Variants in FBXL17 observed in about 807,000 individuals in gnomAD.
The protein encoded by FBXL17 is F-box/LRR-repeat protein 17.
FBXL17 carries 22 observed loss-of-function variants against 66.2 expected under a neutral mutation model. The ratio of observed to expected loss-of-function variants is 0.33; its 90% CI spans 0.24 to 0.47. The LOEUF is 0.47. FBXL17 is among the 20% of genes least tolerant of loss of function. FBXL17 has a pLI of 1.00. For synonymous variants in FBXL17, 474 were observed against 400.5 expected, an observed-to-expected ratio of 1.18 and a Z score of -2.19; for missense variants, 878 against 948.2, an observed-to-expected ratio of 0.93 and a Z score of 0.97.
intron 7 of FBXL17, among the ~76,000 whole-genome samples, chr5:107,917,314 T>C (rs1455281582): frequency 6.6e-6 from 1 of 152,148 alleles, no homozygotes; most frequent in Non-Finnish European, 1.5e-5. Flanking sequence ...ATCCAGAGAA[T>C]GAGCATTCTA....
At chr5:107,967,800 A>G (rs1401446965) in intron 7 of FBXL17, among the ~76,000 whole-genome samples, 1 of 152,106 alleles carries the variant, frequency 6.6e-6, no homozygotes, top group African/African-American at 2.4e-5. Flanking sequence ...GGTAAAAAAA[A>G]TTTCTGTAAT....
chr5:108,275,961 C>A (rs1757466728), intron 4 of FBXL17, among the ~76,000 whole-genome samples: 1 of 152,230 alleles, frequency 6.6e-6, no homozygotes, highest in East Asian at 1.9e-4. Flanking sequence ...TACCCTTCAA[C>A]ATAACCAGGA....
intron 7 of FBXL17, among the ~76,000 whole-genome samples, chr5:107,930,245 C>T (rs1345108010): frequency 6.6e-6 from 1 of 152,166 alleles, no homozygotes; most frequent in African/African-American, 2.4e-5. Context: ...CTTGTCCATT[C>T]CCCCTGTTTC....
chr5:108,228,395 A>T (rs960800039), intron 4 of FBXL17, among the ~76,000 whole-genome samples: 7 of 152,046 alleles, frequency 4.6e-5, no homozygotes, highest in African/African-American at 1.7e-4. Flanking sequence ...CTTCTCTGGG[A>T]CCCTGGAGTC....
intron 7 of FBXL17, among the ~76,000 whole-genome samples, chr5:107,924,024 G>C (rs1373628431): frequency 6.7e-6 from 1 of 148,600 alleles, no homozygotes; most frequent in African/African-American, 2.5e-5. Context: ...AGTAACCAGA[G>C]AAGTTCTGCC....
At chr5:108,121,303 G>A (rs1750486086) in intron 6 of FBXL17, among the ~76,000 whole-genome samples, 1 of 152,020 alleles carries the variant, frequency 6.6e-6, no homozygotes, top group Non-Finnish European at 1.5e-5. Flanking sequence ...CCTCCAGATT[G>A]GCAACAGAGC....
intron 6 of FBXL17, among the ~76,000 whole-genome samples, chr5:108,056,442 G>T (rs554320930): frequency 6.6e-6 from 1 of 152,326 alleles, no homozygotes; most frequent in South Asian, 2.1e-4. Context: ...CCCTTTCTGT[G>T]ATTGGTTATG....
chr5:108,103,633 T>C (rs920648615), intron 6 of FBXL17, among the ~76,000 whole-genome samples: 3 of 152,214 alleles, frequency 2.0e-5, no homozygotes, highest in Non-Finnish European at 2.9e-5. Context: ...GGCAATCTCA[T>C]ACTCCTGTAG....
In FBXL17 at chr5:108,096,971, T is replaced by C. The variant is rs527441400; in HGVS notation, c.1746-75970A>G. On this transcript the variant is annotated intron_variant, in intron 6 of 8. Coordinates refer to ENST00000542267, the MANE Select transcript of FBXL17 (RefSeq NM_001163315.3). Reference sequence around the variant, plus strand: ...TTAGCTAGTTTACTGATGGGCCTAGTAGAACTAAGGTTATACATATATTAA... The same window carrying C: ...TTAGCTAGTTTACTGATGGGCCTAGCAGAACTAAGGTTATACATATATTAA... Among the ~76,000 whole-genome samples, 3 of 152,166 alleles carry C rather than the reference T, an allele frequency of 2.0e-5. No homozygotes were observed. In the South Asian group the frequency reaches 6.2e-4, roughly 32 times the overall value.
At chr5:108,255,716 A>C (rs1175046282) in intron 4 of FBXL17, among the ~76,000 whole-genome samples, 1 of 152,164 alleles carries the variant, frequency 6.6e-6, no homozygotes, top group Non-Finnish European at 1.5e-5. Context: ...TTTCACATAA[A>C]TATTATATAT....
intron 8 of FBXL17, among the ~76,000 whole-genome samples, chr5:107,870,426 G>T (rs1174505158): frequency 6.6e-6 from 1 of 152,072 alleles, no homozygotes; most frequent in Non-Finnish European, 1.5e-5. Flanking sequence ...TCAAGTCTTA[G>T]ATCTCTAATT....
chr5:108,229,567 C>A (rs973723235), intron 4 of FBXL17, among the ~76,000 whole-genome samples: 4 of 152,110 alleles, frequency 2.6e-5, no homozygotes, highest in African/African-American at 9.7e-5. Flanking sequence ...AAAATCGAAT[C>A]AAGATGGATC....
Position 107,860,138 on chromosome 5 carries a change from A to G in FBXL17, c.*1582T>C, listed in dbSNP as rs1193947428. ...AGGAAACAGTTGTTTACAAAAAAAG[A>G]GAATCATTAGAAATCAGTAAATGGC... is the stretch of plus-strand genomic sequence containing the variant. On this transcript the variant is annotated 3_prime_UTR_variant, in exon 9 of 9. Transcript: ENST00000542267. 1.3e-5 allele frequency: 2 copies of G among 152,366 alleles called. No individual in the cohort carries two copies. Among genetic ancestry groups the G allele is most frequent in the African/African-American group, 2.4e-5 (1 of 41,464 alleles). The allele number at this position is 152,366 out of a possible 1,614,324, so 9.4% of individuals were successfully genotyped here. A position where few individuals can be genotyped will look rare whatever the true frequency, so the allele number is the denominator to read the frequency against.
At chr5:108,093,780 C>A (rs1749272595) in intron 6 of FBXL17, among the ~76,000 whole-genome samples, 1 of 152,106 alleles carries the variant, frequency 6.6e-6, no homozygotes, top group Non-Finnish European at 1.5e-5. Context: ...ATCTTTAACT[C>A]AGCGGGGTGT....
At chr5:108,308,876 T>C (rs1395692167) in intron 4 of FBXL17, among the ~76,000 whole-genome samples, 2 of 152,086 alleles carry the variant, frequency 1.3e-5, no homozygotes, top group Non-Finnish European at 2.9e-5. Context: ...ACACTGTACG[T>C]AAGAATATAA....
At chr5:108,272,230 G>A (rs537337586) in intron 4 of FBXL17, among the ~76,000 whole-genome samples, 1 of 152,150 alleles carries the variant, frequency 6.6e-6, no homozygotes, top group South Asian at 2.1e-4. Flanking sequence ...GGCGGAGCTT[G>A]CAGTGACCCG....
intron 6 of FBXL17, among the ~76,000 whole-genome samples, chr5:108,140,912 C>T (rs995030514): frequency 1.3e-5 from 2 of 152,052 alleles, no homozygotes; most frequent in Non-Finnish European, 1.5e-5. Context: ...AATACTTTCT[C>T]CCTATCCCTG....
chr5:108,202,275 C>T (rs1222127135), intron 5 of FBXL17, among the ~76,000 whole-genome samples: 1 of 152,038 alleles, frequency 6.6e-6, no homozygotes, highest in East Asian at 1.9e-4. Context: ...GATACTGATA[C>T]CTATTACCAT....
At chr5:108,271,944 G>A (rs868696372) in intron 4 of FBXL17, among the ~76,000 whole-genome samples, 10 of 152,138 alleles carry the variant, frequency 6.6e-5, no homozygotes, top group African/African-American at 1.9e-4. Context: ...GCCTTATAGG[G>A]TGGTAATGAA....
Sources: gnomAD v4.1 joint callset for allele counts (sites outside exome capture counted in the v4.1 genomes callset) on GRCh38, gnomAD v4.1.1 for gene constraint, MANE v1.5 for transcripts, NCBI Gene and HGNC (gene_info 2026-07-23, HGNC 2026-07-21) for gene names.